The following CTDSPL variants were observed in gnomAD, a reference collection of about 807,000 sequenced individuals.
CTDSPL encodes the protein CTD small phosphatase like.
CTDSPL carries 8 observed loss-of-function variants against 30.5 expected under a neutral mutation model. That is an observed-to-expected ratio of 0.26 (90% CI 0.15 to 0.47). The LOEUF (loss-of-function observed/expected upper bound fraction) is 0.47. Among genes scored for constraint, CTDSPL ranks in the 20% least tolerant of loss-of-function variants. The pLI is 0.99. For missense variants in CTDSPL, 248 were observed against 366.1 expected, an observed-to-expected ratio of 0.68 and a Z score of 2.63; for synonymous variants, 110 against 137.9, an observed-to-expected ratio of 0.80 and a Z score of 1.42.
intron 1 of CTDSPL, among the ~76,000 whole-genome samples, chr3:37,897,297 T>C (rs1273379483): frequency 6.6e-6 from 1 of 152,146 alleles, no homozygotes; most frequent in Non-Finnish European, 1.5e-5. Context: ...AGATGGGGGC[T>C]ATAGGGGGAA....
At chr3:37,970,524 T>C (rs1164716371) in intron 5 of CTDSPL, among the ~76,000 whole-genome samples, 1 of 152,184 alleles carries the variant, frequency 6.6e-6, no homozygotes, top group Non-Finnish European at 1.5e-5. Flanking sequence ...TTTATTCAAG[T>C]TTGAATTAGT....
chr3:37,918,629 A>ACC, intron 1 of CTDSPL, among the ~76,000 whole-genome samples: 1 of 152,292 alleles, frequency 6.6e-6, no homozygotes, highest in East Asian at 1.9e-4. Context: ...TAATATGATA[A>ACC]CAGACTTCAT....
intron 2 of CTDSPL, among the ~76,000 whole-genome samples, chr3:37,953,026 G>C (rs1281943836): frequency 6.6e-6 from 1 of 152,016 alleles, no homozygotes; most frequent in Non-Finnish European, 1.5e-5. Flanking sequence ...TAAAACAAGT[G>C]AAATTAATTT....
At chr3:37,935,290 A>G (rs180812073) in intron 1 of CTDSPL, among the ~76,000 whole-genome samples, 2 of 152,226 alleles carry the variant, frequency 1.3e-5, no homozygotes, top group Admixed American at 6.5e-5. Context: ...ACCATCGTCT[A>G]TATGTTTTTA....
chr3:37,977,679 A>G (rs1699444754), intron 7 of CTDSPL, among the ~76,000 whole-genome samples: 1 of 151,606 alleles, frequency 6.6e-6, no homozygotes, highest in African/African-American at 2.4e-5. Context: ...CTTGAGCCCA[A>G]GAGTTTGAGA....
At chr3:37,895,787 A>G (rs571007683) in intron 1 of CTDSPL, among the ~76,000 whole-genome samples, 1 of 152,202 alleles carries the variant, frequency 6.6e-6, no homozygotes, top group Non-Finnish European at 1.5e-5. Flanking sequence ...ATAGAGAAGT[A>G]AGAGTTTTTA....
intron 2 of CTDSPL, among the ~76,000 whole-genome samples, chr3:37,956,585 T>A (rs1447973415): frequency 6.6e-6 from 1 of 152,158 alleles, no homozygotes; most frequent in Admixed American, 6.5e-5. Context: ...TATCCCCTTG[T>A]CTGTTGCCTG....
intron 3 of CTDSPL, among the ~76,000 whole-genome samples, chr3:37,960,501 A>AAT (rs1559645107): frequency 8.2e-5 from 5 of 60,646 alleles, no homozygotes; most frequent in African/African-American, 3.8e-4. Flanking sequence ...AAAAAAAAAA[A>AAT]AAAAATATAT....
At chr3:37,881,644 T>A (rs1698205321) in intron 1 of CTDSPL, among the ~76,000 whole-genome samples, 1 of 152,178 alleles carries the variant, frequency 6.6e-6, no homozygotes, top group South Asian at 2.1e-4. Context: ...AAAAATGTAA[T>A]GTTGAACAAC....
chr3:37,919,302 C>T (rs887633654), intron 1 of CTDSPL, among the ~76,000 whole-genome samples: 2 of 152,164 alleles, frequency 1.3e-5, no homozygotes, highest in Admixed American at 6.5e-5. Context: ...GATTTTCCTT[C>T]TCAAGAAGCT....
At chr3:37,866,791 G>A (rs944063758) in intron 1 of CTDSPL, among the ~76,000 whole-genome samples, 1 of 152,126 alleles carries the variant, frequency 6.6e-6, no homozygotes, top group Admixed American at 6.6e-5. Context: ...TTTAAGCTTT[G>A]GGCTGCTAAC....
At chr3:37,951,530 A>G (rs1021740837) in intron 2 of CTDSPL, among the ~76,000 whole-genome samples, 2 of 151,958 alleles carry the variant, frequency 1.3e-5, no homozygotes, top group Non-Finnish European at 2.9e-5. Flanking sequence ...TAAAAATAAA[A>G]AATCAGCTAG....
At chr3:37,944,199 G>C (rs934048860) in intron 1 of CTDSPL, among the ~76,000 whole-genome samples, 1 of 150,384 alleles carries the variant, frequency 6.6e-6, no homozygotes, top group African/African-American at 2.4e-5. Flanking sequence ...TTTGGAAAAT[G>C]TGGAAGAAAT....
At chr3:37,901,141 G>A (rs575208597) in intron 1 of CTDSPL, among the ~76,000 whole-genome samples, 2 of 152,320 alleles carry the variant, frequency 1.3e-5, no homozygotes, top group East Asian at 1.9e-4. Flanking sequence ...GTAATCATTA[G>A]TAGTCTGGGC....
intron 1 of CTDSPL, among the ~76,000 whole-genome samples, chr3:37,895,159 A>G (rs575146766): frequency 7.9e-5 from 12 of 152,248 alleles, no homozygotes; most frequent in African/African-American, 2.4e-4. Flanking sequence ...GGATTCTATT[A>G]TATTCCTCTG....
chr3:37,882,405 G>A (rs2125592819), intron 1 of CTDSPL, among the ~76,000 whole-genome samples: 1 of 146,138 alleles, frequency 6.8e-6, no homozygotes, highest in Admixed American at 7.0e-5. Context: ...TCGCACCACT[G>A]CACTCCAGCC....
At chr3:37,957,339 GT>G (rs1699185881) in intron 3 of CTDSPL, among the ~76,000 whole-genome samples, 196 bp downstream of exon 3, 1 of 152,128 alleles carries the variant, frequency 6.6e-6, no homozygotes, top group Admixed American at 6.5e-5. Flanking sequence ...TACAGAGACA[GT>G]TTCCTTTCTC....
intron 4 of CTDSPL, 99 bp from the exon 5 acceptor site, chr3:37,967,727 T>C: frequency 1.2e-6 from 1 of 802,630 alleles, no homozygotes; most frequent in Non-Finnish European, 2.0e-6. Flanking sequence ...TTTTTTCCAA[T>C]AACCAAAACA....
At chr3:37,949,082 A>C (rs1056102775) in intron 2 of CTDSPL, among the ~76,000 whole-genome samples, 2 of 150,668 alleles carry the variant, frequency 1.3e-5, no homozygotes, top group Non-Finnish European at 3.0e-5. Flanking sequence ...AGCCTCCCAA[A>C]GTGCTGGGAT....
Sources: allele counts gnomAD v4.1 joint callset (sites outside exome capture counted in the v4.1 genomes callset), GRCh38; gene constraint gnomAD v4.1.1; transcripts MANE v1.5; gene names NCBI Gene and HGNC (gene_info 2026-07-23, HGNC 2026-07-21).